Variants in TSHZ2 observed in about 807,000 individuals in gnomAD.
TSHZ2 encodes teashirt zinc finger homeobox 2, also known as teashirt homolog 2.
In TSHZ2, 21 loss-of-function variants were observed where a neutral mutation model predicts 74.4. That is an observed-to-expected ratio of 0.28 (90% confidence interval 0.20 to 0.41). The LOEUF (loss-of-function observed/expected upper bound fraction) is 0.41, where lower values mean the gene tolerates loss of function less well. Among genes scored for constraint, TSHZ2 ranks in the 10% least tolerant of loss-of-function variants. The probability of loss-of-function intolerance (pLI) is 1.00; values close to 1 mark genes in which losing one functional copy is unlikely to be tolerated. For synonymous variants in TSHZ2, 540 were observed against 515.3 expected, an observed-to-expected ratio of 1.05 and a Z score of -0.65; for missense variants, 1,244 against 1,293.5, an observed-to-expected ratio of 0.96 and a Z score of 0.59.
At chr20:53,006,106 G>C (rs1309957902) in intron 1 of TSHZ2, among the ~76,000 whole-genome samples, 1 of 152,144 alleles carries the variant, frequency 6.6e-6, no homozygotes, top group African/African-American at 2.4e-5. Flanking sequence ...CTAAAGTTTG[G>C]AAGTTTGCTC....
intron 2 of TSHZ2, among the ~76,000 whole-genome samples, chr20:53,329,053 G>A (rs897313296): frequency 1.3e-5 from 2 of 152,176 alleles, no homozygotes; most frequent in Non-Finnish European, 2.9e-5. Context: ...TAGAAAATCA[G>A]GTTCTACCAT....
intron 1 of TSHZ2, among the ~76,000 whole-genome samples, chr20:53,098,428 TTTATTCA>T (rs1986121579): frequency 6.6e-6 from 1 of 152,234 alleles, no homozygotes; most frequent in South Asian, 2.1e-4. Flanking sequence ...TTGTTCATTC[TTTATTCA>T]TTATTCAACT....
chr20:53,404,290 C>G (rs560727154), intron 2 of TSHZ2, among the ~76,000 whole-genome samples: 129 of 152,254 alleles, frequency 8.5e-4, no homozygotes, highest in Non-Finnish European at 1.3e-3. Context: ...TTCTCTGGCT[C>G]CGAGTTCAGA....
chr20:53,000,672 T>C (rs947160922), intron 1 of TSHZ2, among the ~76,000 whole-genome samples: 42 of 152,240 alleles, frequency 2.8e-4, no homozygotes, highest in African/African-American at 9.4e-4. Flanking sequence ...GTGGGATGAA[T>C]AGGGAAAAGT....
chr20:53,158,019 C>A (rs1189000326), intron 1 of TSHZ2, among the ~76,000 whole-genome samples: 1 of 152,048 alleles, frequency 6.6e-6, no homozygotes, highest in Non-Finnish European at 1.5e-5. Flanking sequence ...ATTGCTGCTG[C>A]CTTGGGTGGA....
chr20:53,027,955 A>C (rs953581516), intron 1 of TSHZ2, among the ~76,000 whole-genome samples: 3 of 152,194 alleles, frequency 2.0e-5, no homozygotes, highest in Non-Finnish European at 4.4e-5. Context: ...ACAGGACTGC[A>C]GTCAGGGGAA....
chr20:53,381,627 G>C (rs1981862903), intron 2 of TSHZ2, among the ~76,000 whole-genome samples: 1 of 152,118 alleles, frequency 6.6e-6, no homozygotes, highest in Non-Finnish European at 1.5e-5. Flanking sequence ...AAATACCTCA[G>C]TTACTGCAGG....
intron 1 of TSHZ2, among the ~76,000 whole-genome samples, chr20:53,242,258 T>C (rs1307602361): frequency 2.0e-5 from 3 of 152,074 alleles, no homozygotes; most frequent in African/African-American, 7.2e-5. Flanking sequence ...CTTCTCTAGG[T>C]ATAGCAACCA....
Position 53,211,497 on chromosome 20 carries a change from T to G in TSHZ2, c.41-42002T>G, listed in dbSNP as rs114769910. ...GTAGGGCCCATCAAAGTGTAATAAA[T>G]TTTGCCTGAAATAAAAAAAAAAAAG... On this transcript the variant is annotated intron_variant, in intron 1 of 2. Transcript: ENST00000371497. Among the ~76,000 whole-genome samples the G allele has an allele frequency of 9.3e-3, 1,380 of 147,994 alleles. 18 individuals are homozygous for G. The highest frequency in any genetic ancestry group is 0.034 in the African/African-American group (1,324 of 38,552).
chr20:53,033,434 C>G (rs987862385), intron 1 of TSHZ2, among the ~76,000 whole-genome samples: 2 of 152,106 alleles, frequency 1.3e-5, no homozygotes, highest in Admixed American at 6.5e-5. Flanking sequence ...CAGTGACTAC[C>G]TATGTAAGCA....
intron 2 of TSHZ2, among the ~76,000 whole-genome samples, chr20:53,316,361 T>C (rs998782308): frequency 1.3e-5 from 2 of 151,942 alleles, no homozygotes; most frequent in East Asian, 1.9e-4. Context: ...GATGAATTGA[T>C]TGAGAGAAAA....
At chr20:53,045,269 GTCACATTTCTC>G (rs1984186913) in intron 1 of TSHZ2, among the ~76,000 whole-genome samples, 2 of 152,104 alleles carry the variant, frequency 1.3e-5, no homozygotes, top group Admixed American at 1.3e-4. Flanking sequence ...CTCACTTCTG[GTCACATTTCTC>G]TCAACCTTCC....
In TSHZ2 at chr20:53,351,743, A is replaced by G. The variant is rs533960107; in HGVS notation, c.*8+95172A>G. 4.6e-5 allele frequency among the ~76,000 whole-genome samples: 7 copies of G among 152,354 alleles called. No individual in the cohort carries two copies. In the East Asian group the frequency reaches 1.2e-3, roughly 25 times the overall value. ...ATCACACGAGTCTCATCCAAACATG[A>G]AATCCCTTTAAAATCAAAGCTTCTT... On this transcript the variant is annotated intron_variant, in intron 2 of 2. Transcript: ENST00000371497.
At chr20:53,023,879 T>C (rs1423572647) in intron 1 of TSHZ2, among the ~76,000 whole-genome samples, 3 of 152,150 alleles carry the variant, frequency 2.0e-5, no homozygotes. Context: ...CTTTGAGCAG[T>C]GTAGGGAATC....
chr20:53,189,744 A>G (rs1003552881), intron 1 of TSHZ2, among the ~76,000 whole-genome samples: 3 of 152,082 alleles, frequency 2.0e-5, no homozygotes, highest in African/African-American at 7.2e-5. Flanking sequence ...AATGAGTGAT[A>G]GAAAGGAAAG....
At chr20:53,471,022 T>C (rs1019960720) in intron 2 of TSHZ2, among the ~76,000 whole-genome samples, 1 of 152,278 alleles carries the variant, frequency 6.6e-6, no homozygotes, top group Non-Finnish European at 1.5e-5. Context: ...AGAATGTATA[T>C]GAATGGTCTT....
intron 1 of TSHZ2, among the ~76,000 whole-genome samples, chr20:53,073,011 ATCCC>A (rs1385333265): frequency 1.4e-5 from 2 of 144,540 alleles, no homozygotes; most frequent in Non-Finnish European, 3.0e-5. Context: ...CCCTCCATCC[ATCCC>A]TCCCTCCATC....
chr20:52,991,407 G>C (rs533059682), intron 1 of TSHZ2, among the ~76,000 whole-genome samples: 1 of 145,924 alleles, frequency 6.9e-6, no homozygotes, highest in Admixed American at 6.8e-5. Flanking sequence ...GTGTGTTGTG[G>C]GGGGAGAGAG....
intron 2 of TSHZ2, among the ~76,000 whole-genome samples, chr20:53,290,827 A>C (rs1387365257): frequency 1.3e-5 from 2 of 152,220 alleles, no homozygotes; most frequent in Non-Finnish European, 2.9e-5. Flanking sequence ...TACCTATGTC[A>C]AGGGTTGGCA....
Sources: allele counts gnomAD v4.1 joint callset (sites outside exome capture counted in the v4.1 genomes callset), GRCh38; gene constraint gnomAD v4.1.1; transcripts MANE v1.5; gene names NCBI Gene and HGNC (gene_info 2026-07-23, HGNC 2026-07-21).